Variants in GABBR2 observed in about 807,000 individuals in gnomAD.
GABBR2 encodes G-protein coupled receptor 51.
GABBR2 carries 23 observed loss-of-function variants against 105.6 expected under a neutral mutation model. That is an observed-to-expected ratio of 0.22 (90% confidence interval 0.16 to 0.31). GABBR2 has a LOEUF of 0.31. Among genes scored for constraint, GABBR2 ranks in the 10% least tolerant of loss-of-function variants. GABBR2 has a pLI of 1.00. For missense variants in GABBR2, 734 were observed against 1,245.5 expected (o/e 0.59, Z 6.18); for synonymous variants, 478 against 499.7 (o/e 0.96, Z 0.58).
chr9:98,632,899 C>T (rs1454812789), intron 1 of GABBR2, among the ~76,000 whole-genome samples: 1 of 152,242 alleles, frequency 6.6e-6, no homozygotes, highest in Non-Finnish European at 1.5e-5. Context: ...TCAACATTCA[C>T]TGGTGCCTTC....
At chr9:98,621,816 C>T (rs1229809247) in intron 1 of GABBR2, among the ~76,000 whole-genome samples, 1 of 152,170 alleles carries the variant, frequency 6.6e-6, no homozygotes, top group Non-Finnish European at 1.5e-5. Context: ...AATGTGCCTA[C>T]AGATATCCGG....
At chr9:98,343,325 A>T (rs1473585546) in intron 13 of GABBR2, among the ~76,000 whole-genome samples, 7 of 152,210 alleles carry the variant, frequency 4.6e-5, no homozygotes, top group Non-Finnish European at 1.0e-4. Context: ...ATCCTGCCAC[A>T]GTGGCTGCCC....
chr9:98,544,470 C>CGGT (rs1828365062), intron 2 of GABBR2, among the ~76,000 whole-genome samples: 1 of 152,152 alleles, frequency 6.6e-6, no homozygotes, highest in African/African-American at 2.4e-5. Context: ...ACCCCAAGAC[C>CGGT]GGTAAAGGTC....
chr9:98,456,125 C>T (rs187650436), intron 6 of GABBR2, among the ~76,000 whole-genome samples: 162 of 152,192 alleles, frequency 1.1e-3, no homozygotes, highest in Non-Finnish European at 1.9e-3. Context: ...ACTCCATGCC[C>T]GCTGGCTCTT....
intron 1 of GABBR2, among the ~76,000 whole-genome samples, chr9:98,696,543 T>C (rs1018293176): frequency 6.6e-6 from 1 of 152,210 alleles, no homozygotes; most frequent in African/African-American, 2.4e-5. Context: ...TCATGCTGCA[T>C]GGTAACGATC....
intron 1 of GABBR2, among the ~76,000 whole-genome samples, chr9:98,609,764 C>G (rs1436744553): frequency 1.3e-5 from 2 of 152,180 alleles, no homozygotes; most frequent in African/African-American, 4.8e-5. Flanking sequence ...AGTGGCACAG[C>G]CCTTACATCC....
intron 3 of GABBR2, among the ~76,000 whole-genome samples, chr9:98,533,991 C>G (rs1401381406): frequency 6.6e-6 from 1 of 152,168 alleles, no homozygotes; most frequent in Non-Finnish European, 1.5e-5. Flanking sequence ...AGATGCAAGC[C>G]CAGGGTCTCC....
intron 11 of GABBR2, among the ~76,000 whole-genome samples, chr9:98,382,271 C>T (rs1658770574): frequency 6.6e-6 from 1 of 152,162 alleles, no homozygotes; most frequent in African/African-American, 2.4e-5. Context: ...AGCCCCTTGC[C>T]TCTCAGGGAT....
intron 6 of GABBR2, among the ~76,000 whole-genome samples, chr9:98,469,588 G>A (rs1826626477): frequency 6.6e-6 from 1 of 152,150 alleles, no homozygotes; most frequent in South Asian, 2.1e-4. Context: ...TTGGTTTAGG[G>A]CCTACCTGGG....
intron 16 of GABBR2, among the ~76,000 whole-genome samples, chr9:98,299,847 A>AG (rs1564007303): frequency 6.6e-6 from 1 of 152,142 alleles, no homozygotes; most frequent in Non-Finnish European, 1.5e-5. Flanking sequence ...GAAACATAAT[A>AG]AGGGCAACTT....
chr9:98,342,640 G>C (rs1193082052), intron 13 of GABBR2, among the ~76,000 whole-genome samples: 4 of 152,168 alleles, frequency 2.6e-5, no homozygotes, highest in Non-Finnish European at 5.9e-5. Context: ...GCCCCAGCCT[G>C]GCCATCCAGG....
intron 13 of GABBR2, among the ~76,000 whole-genome samples, chr9:98,319,259 A>T (rs1376884469): frequency 6.6e-6 from 1 of 152,104 alleles, no homozygotes; most frequent in East Asian, 1.9e-4. Flanking sequence ...CCTGATGTGG[A>T]AAGCATCATT....
intron 1 of GABBR2, among the ~76,000 whole-genome samples, chr9:98,675,985 C>T (rs369784360): frequency 7.2e-5 from 11 of 152,154 alleles, no homozygotes; most frequent in African/African-American, 2.7e-4. Context: ...GCACACCCCC[C>T]CAAATATATC....
At position 98,547,701 on chromosome 9, in the gene GABBR2, G is replaced by A. The variant is rs1223691206; in HGVS notation, c.460-5658C>T. Among the ~76,000 whole-genome samples, 2 of 121,960 alleles carry A rather than the reference G, an allele frequency of 1.6e-5. 1 individual carries two copies. The highest frequency in any genetic ancestry group is 3.7e-5 in the Non-Finnish European group (2 of 54,222). 80.0% of individuals were successfully genotyped at this position (121,960 alleles called of 152,430 possible). On this transcript the variant is annotated intron_variant, in intron 2 of 18. Transcript: ENST00000259455. ...TTCTCATTTCTTCACATCCTGGCCAGTATTTGATATTATCTGACTTCCTAA... is the reference window on the plus strand; with the variant it reads ...TTCTCATTTCTTCACATCCTGGCCAATATTTGATATTATCTGACTTCCTAA...
chr9:98,330,258 T>TG (rs1383492168), intron 13 of GABBR2, among the ~76,000 whole-genome samples: 1 of 152,224 alleles, frequency 6.6e-6, no homozygotes, highest in Admixed American at 6.5e-5. Context: ...ACCCATCTTT[T>TG]GAAGACTTGG....
At position 98,610,153 on chromosome 9, in the gene GABBR2, G is replaced by A. The variant is rs1212620733; in HGVS notation, c.322-32081C>T. On this transcript the variant is annotated intron_variant, in intron 1 of 18. Coordinates refer to ENST00000259455, the MANE Select transcript of GABBR2 (RefSeq NM_005458.8). The stretch of plus-strand genomic sequence containing the variant: ...AGGAGGGCAGTGCAGCCTGCCAAGC[G>A]CTCCAGAAACTGCTGCCTGGACTCA... 4.6e-5 allele frequency among the ~76,000 whole-genome samples: 7 copies of A among 152,320 alleles called. No individual in the cohort carries two copies. The South Asian group carries it at 8.3e-4, about 18-fold the overall frequency.
intron 2 of GABBR2, among the ~76,000 whole-genome samples, chr9:98,559,102 AG>A (rs1205272392): frequency 6.6e-6 from 1 of 152,108 alleles, no homozygotes; most frequent in African/African-American, 2.4e-5. Flanking sequence ...TTCATGATTT[AG>A]TAATTATATG....
intron 13 of GABBR2, among the ~76,000 whole-genome samples, chr9:98,344,063 T>G (rs1831261657): frequency 6.6e-6 from 1 of 152,166 alleles, no homozygotes. Context: ...TTGCTGAGCT[T>G]CTGCTAGGTC....
At chr9:98,691,045 T>G (rs369567448) in intron 1 of GABBR2, among the ~76,000 whole-genome samples, 1 of 152,256 alleles carries the variant, frequency 6.6e-6, no homozygotes, top group African/African-American at 2.4e-5. Context: ...GCATCTATTA[T>G]GTCCACCTAC....
Sources: allele counts gnomAD v4.1 joint callset (sites outside exome capture counted in the v4.1 genomes callset), GRCh38; gene constraint gnomAD v4.1.1; transcripts MANE v1.5; gene names NCBI Gene and HGNC (gene_info 2026-07-23, HGNC 2026-07-21).